The following DISC1 variants were observed in gnomAD, a reference collection of about 807,000 sequenced individuals.
DISC1 encodes the protein disrupted in schizophrenia 1 protein.
Under a neutral mutation model 84.5 loss-of-function variants are expected in DISC1, and 57 were observed. The observed-to-expected ratio is 0.67, with a 90% CI of 0.55 to 0.84. The LOEUF is 0.84. DISC1 is among the 40% of genes least tolerant of loss of function. The probability of loss-of-function intolerance (pLI) is 0.00; values close to 1 mark genes in which losing one functional copy is unlikely to be tolerated. For missense variants in DISC1, 1,000 were observed against 1,057.8 expected, an observed-to-expected ratio of 0.95 and a Z score of 0.76; for synonymous variants, 411 against 415.2, an observed-to-expected ratio of 0.99 and a Z score of 0.12.
intron 8 of DISC1, among the ~76,000 whole-genome samples, chr1:231,817,536 T>C (rs2081137799): frequency 6.6e-6 from 1 of 152,236 alleles, no homozygotes; most frequent in South Asian, 2.1e-4. Flanking sequence ...GTGTATCTTT[T>C]AAATTATTTG....
At chr1:231,822,577 C>T (rs1463294176) in intron 9 of DISC1, among the ~76,000 whole-genome samples, 1 of 152,172 alleles carries the variant, frequency 6.6e-6, no homozygotes, top group Non-Finnish European at 1.5e-5. Context: ...ATGACAAGAT[C>T]CTGCCCTAAT....
At chr1:231,773,643 C>T (rs1023958398) in intron 6 of DISC1, among the ~76,000 whole-genome samples, 2 of 152,142 alleles carry the variant, frequency 1.3e-5, no homozygotes, top group African/African-American at 2.4e-5. Context: ...CTTGGCCTCC[C>T]AAAGTGCTGA....
intron 10 of DISC1, among the ~76,000 whole-genome samples, chr1:231,971,167 G>C (rs1157088803): frequency 6.6e-6 from 1 of 152,166 alleles, no homozygotes; most frequent in African/African-American, 2.4e-5. Context: ...GAGTGTTTTT[G>C]ATGCATTTGG....
chr1:231,747,883 A>G (rs933706153), intron 3 of DISC1, among the ~76,000 whole-genome samples: 1 of 151,914 alleles, frequency 6.6e-6, no homozygotes, highest in Non-Finnish European at 1.5e-5. Flanking sequence ...CTGTCTTTTC[A>G]TTTGTTTGTA....
At chr1:231,967,797 C>T (rs1661317562) in intron 10 of DISC1, among the ~76,000 whole-genome samples, 1 of 152,128 alleles carries the variant, frequency 6.6e-6, no homozygotes, top group African/African-American at 2.4e-5. Flanking sequence ...TTTACCTTAT[C>T]TCATCAGAAA....
intron 11 of DISC1, among the ~76,000 whole-genome samples, chr1:232,013,603 A>G (rs974284404): frequency 9.2e-5 from 14 of 152,186 alleles, no homozygotes; most frequent in African/African-American, 3.4e-4. Context: ...AGGAAAAACT[A>G]TTTTTATGCT....
In DISC1 at chr1:231,692,374, A is replaced by G. The variant is rs191527063; in HGVS notation, c.68-1452A>G. On this transcript the variant is annotated intron_variant, in intron 1 of 12. Transcript: ENST00000439617. ...GCAAGAGCAAGTCACTGTGTGAGCA[A>G]GTCTTGGGCTCTGTTATCTTCAGAT... 3.5e-3 allele frequency among the ~76,000 whole-genome samples: 527 copies of G among 152,326 alleles called. 1 individual carries two copies. The highest frequency in any genetic ancestry group is 0.012 in the African/African-American group (496 of 41,576).
At chr1:231,673,756 G>C (rs116133168) in intron 1 of DISC1, among the ~76,000 whole-genome samples, 1 of 152,332 alleles carries the variant, frequency 6.6e-6, no homozygotes, top group Admixed American at 6.5e-5. Context: ...CGACTGTGTC[G>C]TGTTTCTCTT....
intron 12 of DISC1, among the ~76,000 whole-genome samples, chr1:232,035,974 G>T (rs1670481193): frequency 6.6e-6 from 1 of 152,116 alleles, no homozygotes; most frequent in Non-Finnish European, 1.5e-5. Flanking sequence ...AAAACTAAGA[G>T]CCCAACAGCT....
Position 231,826,798 on chromosome 1 carries a change from C to T in DISC1, c.1981+8281C>T, listed in dbSNP as rs2081890323. Among the ~76,000 whole-genome samples, 1 of 152,106 alleles carries T rather than the reference C, an allele frequency of 6.6e-6. No individual in the cohort carries two copies. The highest frequency in any genetic ancestry group is 1.9e-4 in the East Asian group (1 of 5,196). On this transcript the variant is annotated intron_variant, in intron 9 of 12. Transcript: ENST00000439617. This position sits in a 1 kb window ranked among gnomAD's most constrained non-coding sequence, Gnocchi z 4.2. ...AATGGCAATCTTTTCCTTTGTATTC[C>T]TATAAGTAAATGCATTGGTTATTAG... is the stretch of plus-strand genomic sequence containing the variant.
chr1:231,874,140 G>A lies in DISC1; in HGVS notation c.1981+55623G>A, dbSNP rs567208519. 2.2e-4 allele frequency among the ~76,000 whole-genome samples: 34 copies of A among 152,000 alleles called. 2 individuals carry two copies. The highest frequency in any genetic ancestry group is 5.1e-4 in the African/African-American group (21 of 41,454). ...GCTGGGATTACAGGTGTGAGCTACC[G>A]TGTCTGGCCTTAAATAATCTTTTAT... is the stretch of plus-strand genomic sequence containing the variant. On this transcript the variant is annotated intron_variant, in intron 9 of 12. Coordinates refer to ENST00000439617, the MANE Select transcript of DISC1 (RefSeq NM_018662.3).
At chr1:231,906,172 G>A (rs565058813) in intron 9 of DISC1, among the ~76,000 whole-genome samples, 78 of 152,036 alleles carry the variant, frequency 5.1e-4, no homozygotes, top group South Asian at 2.5e-3. Context: ...ACAGACATGC[G>A]TTACCACGCC....
chr1:231,774,312 A>G (rs575891612), intron 6 of DISC1, among the ~76,000 whole-genome samples: 11 of 152,314 alleles, frequency 7.2e-5, no homozygotes, highest in East Asian at 3.9e-4. Context: ...GGAATAAACC[A>G]GAGCAGTTAA....
At chr1:231,910,433 C>T (rs1173825605) in intron 9 of DISC1, among the ~76,000 whole-genome samples, 4 of 152,172 alleles carry the variant, frequency 2.6e-5, no homozygotes, top group Non-Finnish European at 4.4e-5. Context: ...TCGTTATGTA[C>T]TCAGTAGTCA....
chr1:231,650,824 G>A lies in DISC1; in HGVS notation c.67+23890G>A, dbSNP rs746533253. Among the ~76,000 whole-genome samples, 16 of 151,882 alleles carry A rather than the reference G, an allele frequency of 1.1e-4. 1 individual carries two copies. Among genetic ancestry groups the A allele is most frequent in the South Asian group, 2.1e-4 (1 of 4,800 alleles). ...TATTTCATTAATTTGATCTTCAGTC[G>A]CTGATACCCTTTCTTCCACTTGGTC... On this transcript the variant is annotated intron_variant, in intron 1 of 12. Transcript: ENST00000439617.
chr1:231,641,988 T>C (rs977308767), intron 1 of DISC1, among the ~76,000 whole-genome samples: 1 of 152,150 alleles, frequency 6.6e-6, no homozygotes, highest in Admixed American at 6.5e-5. Flanking sequence ...GACTGGGCGC[T>C]GTGGAGCAGG....
rs576998307 is a variant in DISC1, at chr1:231,893,443, A to G, written c.1982-65385A>G. On this transcript the variant is annotated intron_variant, in intron 9 of 12. Transcript: ENST00000439617. ...TATAGGACAGAAAATTATCTTGGAA[A>G]TTTAATAAAAGGTTATATATTAGTC... Among the ~76,000 whole-genome samples the G allele has an allele frequency of 2.0e-5, 3 of 152,330 alleles. No individual in the cohort carries two copies. The East Asian group carries it at 5.8e-4, about 29-fold the overall frequency.
intron 3 of DISC1, among the ~76,000 whole-genome samples, chr1:231,742,633 C>T (rs940723218): frequency 1.3e-5 from 2 of 152,046 alleles, no homozygotes; most frequent in Non-Finnish European, 2.9e-5. Flanking sequence ...AAAAGCAGAG[C>T]CTGGTGGCAC....
intron 10 of DISC1, among the ~76,000 whole-genome samples, chr1:231,966,116 C>T (rs1322517136): frequency 1.3e-5 from 2 of 152,172 alleles, no homozygotes; most frequent in East Asian, 3.9e-4. Context: ...TCTTGTTCCT[C>T]CTTGGAAATT....
Sources: allele counts gnomAD v4.1 joint callset (sites outside exome capture counted in the v4.1 genomes callset), GRCh38; gene constraint gnomAD v4.1.1; non-coding constraint Gnocchi (gnomAD v3.1); transcripts MANE v1.5; gene names NCBI Gene and HGNC (gene_info 2026-07-23, HGNC 2026-07-21).